MAPRE1: variants seen among roughly 807,000 people sequenced by gnomAD.
MAPRE1 encodes the protein microtubule-associated protein RP/EB family member 1.
Under a neutral mutation model 32.1 loss-of-function variants are expected in MAPRE1, and 5 were observed. The observed-to-expected ratio is 0.16, with a 90% confidence interval of 0.08 to 0.33. MAPRE1 has a LOEUF of 0.33. Among genes scored for constraint, MAPRE1 ranks in the 10% least tolerant of loss-of-function variants. The pLI is 1.00. For missense variants in MAPRE1, 209 were observed against 327.2 expected (o/e 0.64, Z 2.79); for synonymous variants, 122 against 118.9 (o/e 1.03, Z -0.17).
intron 3 of MAPRE1, among the ~76,000 whole-genome samples, chr20:32,834,813 A>G (rs6141825): frequency 0.15 from 23,562 of 152,134 alleles, 2,117 homozygotes; most frequent in East Asian, 0.35. Context: ...ATAATAGTGT[A>G]TAAACAATAA....
intron 2 of MAPRE1, among the ~76,000 whole-genome samples, chr20:32,831,551 C>T (rs140037950): frequency 0.013 from 1,987 of 147,770 alleles, 40 homozygotes; most frequent in African/African-American, 0.047. Context: ...TTTTTTGAGA[C>T]GGAGTCTTGC....
At chr20:32,830,338 GGCCTCT>G (rs1218072776) in intron 2 of MAPRE1, among the ~76,000 whole-genome samples, 23 of 152,244 alleles carry the variant, frequency 1.5e-4, no homozygotes, top group African/African-American at 4.8e-4. Flanking sequence ...CCTGTAACCA[GGCCTCT>G]CCCAGCTCAG....
rs1983608698 is a variant in MAPRE1, at chr20:32,850,264, C to G, written c.*1536C>G. On this transcript the variant is annotated 3_prime_UTR_variant, in exon 7 of 7. Coordinates refer to ENST00000375571, the MANE Select transcript of MAPRE1 (RefSeq NM_012325.3). ...AGCCATTGTTCAAATGACAGTGGTG[C>G]TATTTCTCTTTTGTGGCCTTTTAGA... 6.6e-6 allele frequency: 1 copy of G among 152,616 alleles called. No individual in the cohort carries two copies. Among genetic ancestry groups the G allele is most frequent in the Non-Finnish European group, 1.5e-5 (1 of 68,030 alleles). 9.5% of individuals were successfully genotyped at this position (152,616 alleles called of 1,614,324 possible). A position where few individuals can be genotyped will look rare whatever the true frequency, so the allele number is the denominator to read the frequency against.
intron 2 of MAPRE1, among the ~76,000 whole-genome samples, chr20:32,829,035 C>T (rs546414852): frequency 6.6e-6 from 1 of 152,114 alleles, no homozygotes; most frequent in South Asian, 2.1e-4. Flanking sequence ...ATTCTCCTGC[C>T]TCAGACTCCT....
intron 6 of MAPRE1, among the ~76,000 whole-genome samples, chr20:32,847,151 C>G (rs1983526105): frequency 6.6e-6 from 1 of 152,234 alleles, no homozygotes; most frequent in South Asian, 2.1e-4. Context: ...CCCGGAAAAG[C>G]AGGCACATGC....
chr20:32,836,688 G>C lies in MAPRE1; in HGVS notation c.322G>C (p.Val108Leu). The C allele has an allele frequency of 6.2e-7, 1 of 1,613,316 alleles. No individual in the cohort carries two copies. The highest frequency in any genetic ancestry group is 8.5e-7 in the Non-Finnish European group (1 of 1,179,404). Residue 108 changes from valine (V) to leucine (L), a missense_variant, in exon 4 of 7, where the codon GTT becomes CTT. Val to Leu is a conservative substitution (Grantham distance 32). Coordinates refer to ENST00000375571, the MANE Select transcript of MAPRE1 (RefSeq NM_012325.3). ...KGKFQDNFEF[V>L]QWFKKFFDAN... ...AAAGTTTCAGGACAATTTTGAATTC[G>C]TTCAGTGGTTCAAGAAGTTTTTCGA... is the stretch of plus-strand genomic sequence containing the variant.
intron 2 of MAPRE1, among the ~76,000 whole-genome samples, chr20:32,829,346 G>A (rs1175070278): frequency 6.6e-6 from 1 of 152,226 alleles, no homozygotes; most frequent in Non-Finnish European, 1.5e-5. Context: ...CTTCTTGAAA[G>A]CCGTATAAGA....
At chr20:32,828,277 T>G (rs546688839) in intron 2 of MAPRE1, among the ~76,000 whole-genome samples, 1 of 152,362 alleles carries the variant, frequency 6.6e-6, no homozygotes, top group South Asian at 2.1e-4. Flanking sequence ...GTTTGACCTG[T>G]GTTCTGTGAC....
chr20:32,833,707 G>A lies in MAPRE1; in HGVS notation c.122-10G>A. The A allele has an allele frequency of 6.2e-7, 1 of 1,604,102 alleles. No individual in the cohort carries two copies. Among genetic ancestry groups the A allele is most frequent in the Non-Finnish European group, 8.5e-7 (1 of 1,174,462 alleles). ...TTAATTGTATTTTTCTGTTGCCGTT[G>A]TTCTTTCAGGGGCTGCGTATTGTCA... On this transcript the variant is annotated splice_polypyrimidine_tract_variant and intron_variant, in intron 2 of 6. Coordinates refer to ENST00000375571, the MANE Select transcript of MAPRE1 (RefSeq NM_012325.3).
intron 2 of MAPRE1, among the ~76,000 whole-genome samples, chr20:32,830,472 T>C (rs181754233): frequency 6.6e-6 from 1 of 152,226 alleles, no homozygotes; most frequent in Non-Finnish European, 1.5e-5. Context: ...TTTGGGGCCA[T>C]GATTCCATCT....
At chr20:32,821,932 A>G (rs540800471) in intron 1 of MAPRE1, among the ~76,000 whole-genome samples, 2 of 152,202 alleles carry the variant, frequency 1.3e-5, no homozygotes, top group South Asian at 4.2e-4. Flanking sequence ...TGGGTCTTCC[A>G]TGGCTGCCAA....
intron 2 of MAPRE1, among the ~76,000 whole-genome samples, chr20:32,832,270 A>G (rs1431251416): frequency 2.6e-5 from 4 of 152,170 alleles, no homozygotes; most frequent in African/African-American, 7.2e-5. Flanking sequence ...TCCTTTGGCA[A>G]ATTAGCCCTG....
intron 2 of MAPRE1, among the ~76,000 whole-genome samples, chr20:32,832,649 G>A (rs1226309073): frequency 6.6e-6 from 1 of 151,714 alleles, no homozygotes; most frequent in Non-Finnish European, 1.5e-5. Flanking sequence ...GGTATTTTTT[G>A]TAGAGACAGG....
At chr20:32,830,853 A>T (rs1982999034) in intron 2 of MAPRE1, among the ~76,000 whole-genome samples, 1 of 151,466 alleles carries the variant, frequency 6.6e-6, no homozygotes, top group Non-Finnish European at 1.5e-5. Context: ...CCTCCCAAGT[A>T]GCTGGGACTA....
At chr20:32,848,296 G>A (rs1983560657) in intron 6 of MAPRE1, among the ~76,000 whole-genome samples, 2 of 151,932 alleles carry the variant, frequency 1.3e-5, no homozygotes, top group Non-Finnish European at 2.9e-5. Context: ...GCCTTCCAAA[G>A]TGCTAGGATT....
At chr20:32,833,033 T>C (rs1983083645) in intron 2 of MAPRE1, among the ~76,000 whole-genome samples, 1 of 151,890 alleles carries the variant, frequency 6.6e-6, no homozygotes, top group Non-Finnish European at 1.5e-5. Context: ...GGCTGGGTGC[T>C]CTACAAAAAG....
chr20:32,834,037 A>G (rs1983114613), intron 3 of MAPRE1, among the ~76,000 whole-genome samples, 175 bp downstream of exon 3: 1 of 152,096 alleles, frequency 6.6e-6, no homozygotes. Context: ...TCTTGCCCCT[A>G]TTCCCCTTGC....
At chr20:32,831,805 G>A (rs1983034506) in intron 2 of MAPRE1, among the ~76,000 whole-genome samples, 1 of 151,912 alleles carries the variant, frequency 6.6e-6, no homozygotes, top group African/African-American at 2.4e-5. Flanking sequence ...AAAGTGTTGG[G>A]ATTACAGGTG....
chr20:32,840,020 A>G (rs1459557751), intron 5 of MAPRE1, among the ~76,000 whole-genome samples, 164 bp downstream of exon 5: 2 of 152,122 alleles, frequency 1.3e-5, no homozygotes, highest in Non-Finnish European at 2.9e-5. Flanking sequence ...ATGAACGTGG[A>G]GATGTAAGAG....
Sources: allele counts gnomAD v4.1 joint callset (sites outside exome capture counted in the v4.1 genomes callset), GRCh38; gene constraint gnomAD v4.1.1; transcripts MANE v1.5; gene names NCBI Gene and HGNC (gene_info 2026-07-23, HGNC 2026-07-21).